Variants in MITD1 observed in about 807,000 individuals in gnomAD.
MITD1 encodes the protein microtubule interacting and trafficking domain containing 1.
In MITD1, 24 loss-of-function variants were observed where a neutral mutation model predicts 34.9. The ratio of observed to expected loss-of-function variants is 0.69; its 90% CI spans 0.50 to 0.97. The LOEUF (loss-of-function observed/expected upper bound fraction) is 0.97, where lower values mean the gene tolerates loss of function less well. MITD1 is among the 50% of genes least tolerant of loss of function. The pLI, the probability that MITD1 is intolerant of heterozygous loss-of-function variation, is 0.00. For missense variants in MITD1, 266 were observed against 294.6 expected (o/e 0.90, Z 0.71); for synonymous variants, 102 against 101.4 (o/e 1.01, Z -0.04).
At chr2:99,180,002 G>A (rs971757253) in intron 1 of MITD1, among the ~76,000 whole-genome samples, 1 of 152,106 alleles carries the variant, frequency 6.6e-6, no homozygotes, top group African/African-American at 2.4e-5. Context: ...CGGGAGTGTC[G>A]GGGGTTGGGG....
chr2:99,161,958 A>T lies in MITD1; in HGVS notation c.*264T>A, dbSNP rs546009751. On this transcript the variant is annotated 3_prime_UTR_variant, in exon 8 of 8. Coordinates refer to the MITD1 transcript ENST00000422537. ...TTGTTTGTCTTCCATTTTTAAAAGCATGCTGATCCCATTTTCAATGAAGAA... is the reference window on the plus strand; with the variant it reads ...TTGTTTGTCTTCCATTTTTAAAAGCTTGCTGATCCCATTTTCAATGAAGAA... The T allele has an allele frequency of 2.8e-4, 448 of 1,588,848 alleles. 9 individuals are homozygous for T. The South Asian group carries it at 4.8e-3, about 17-fold the overall frequency.
intron 7 of MITD1, chr2:99,163,020 G>T: frequency 1.2e-6 from 2 of 1,601,592 alleles, no homozygotes; most frequent in South Asian, 2.3e-5. Context: ...ATGTCCACAA[G>T]ACCACAAACT....
chr2:99,167,478 T>G (rs1407930370), downstream of MITD1, among the ~76,000 whole-genome samples: 2 of 152,232 alleles, frequency 1.3e-5, no homozygotes, highest in African/African-American at 4.8e-5. Flanking sequence ...GTCTGTAGAC[T>G]CTTTTCTTTA....
chr2:99,170,961 G>A (rs1348842281), intron 4 of MITD1: 2 of 261,140 alleles, frequency 7.7e-6, no homozygotes, highest in African/African-American at 4.4e-5. Context: ...TAATTATTTA[G>A]AAGCATTCTT....
chr2:99,167,016 C>T (rs2093830734), downstream of MITD1, among the ~76,000 whole-genome samples: 1 of 150,934 alleles, frequency 6.6e-6, no homozygotes, highest in Admixed American at 6.6e-5. Context: ...TTTTTCCAAC[C>T]ATTTGTTGAG....
chr2:99,167,729 C>T (rs6747813), downstream of MITD1, among the ~76,000 whole-genome samples: 864 of 152,282 alleles, frequency 5.7e-3, 9 homozygotes, highest in African/African-American at 0.02. Context: ...AAAGGAACTT[C>T]GGATCAGGCC....
At position 99,162,096 on chromosome 2, in the gene MITD1, G is replaced by A. The variant is rs1396075591; in HGVS notation, c.*126C>T. The A allele has an allele frequency of 1.9e-6, 3 of 1,613,994 alleles. No homozygotes were observed. The African/African-American group carries it at 4.0e-5, about 22-fold the overall frequency. ...CAATGATGTCTATCAAAATCTGGCT[G>A]TGGAAGACTGGATCCATGACCATAT... On this transcript the variant is annotated 3_prime_UTR_variant, in exon 8 of 8. Coordinates refer to the MITD1 transcript ENST00000422537.
At position 99,180,960 on chromosome 2, in the gene MITD1, G is replaced by A. The variant is rs1285612355; in HGVS notation, c.22C>T (p.Gln8Ter). Residue 8 changes from glutamine (Q) to a stop codon, truncating the protein, a stop_gained, in exon 1 of 7, where the codon CAG becomes TAG. Transcript: ENST00000289359. LOFTEE classifies it high-confidence loss of function. ...GCTGCAGCTGTGCTCTGCGGGTCCT[G>A]CCTCAGCCCGGACTTCGCCATAATT... is the stretch of plus-strand genomic sequence containing the variant. Reference protein sequence around the residue: MAKSGLRQDPQSTAAATV... With the variant: MAKSGLR The A allele has an allele frequency of 3.7e-6, 6 of 1,613,774 alleles. No homozygotes were observed. The highest frequency in any genetic ancestry group is 1.7e-4 in the Middle Eastern group (1 of 6,050).
chr2:99,180,791 C>T, intron 1 of MITD1, 40 bp downstream of exon 1: 1 of 1,565,792 alleles, frequency 6.4e-7, no homozygotes, highest in Non-Finnish European at 8.8e-7. Context: ...GGAACCAGCT[C>T]CTTTTCCTCA....
At position 99,171,380 on chromosome 2, in the gene MITD1, T is replaced by A. The variant is rs1165159388; in HGVS notation, c.440A>T (p.Lys147Ile). ...FCEMLIKRPC[K>I]VKTIHLLTSL... Reference sequence around the variant, plus strand: ...GGTGAGAAGGTGAATAGTTTTTACTTTACATGGTCTCTTAATAAGCATCTC... The same window carrying A: ...GGTGAGAAGGTGAATAGTTTTTACTATACATGGTCTCTTAATAAGCATCTC... Residue 147 changes from lysine (K) to isoleucine (I), a missense_variant, in exon 4 of 7, where the codon AAA (lysine) becomes ATA (isoleucine). Lys to Ile is a moderately radical substitution (Grantham distance 102). Coordinates refer to ENST00000289359, the MANE Select transcript of MITD1 (RefSeq NM_138798.3). 8 of 1,612,116 alleles carry A rather than the reference T, an allele frequency of 5.0e-6. No individual in the cohort carries two copies. The highest frequency in any genetic ancestry group is 6.8e-6 in the Non-Finnish European group (8 of 1,179,524).
At chr2:99,166,503 AC>A (rs1263304057), downstream of MITD1, among the ~76,000 whole-genome samples, 49 of 150,528 alleles carry the variant, frequency 3.3e-4, no homozygotes, top group East Asian at 5.9e-4. Context: ...AAAAAAAAAA[AC>A]ATACAGAGAA....
intron 1 of MITD1, among the ~76,000 whole-genome samples, chr2:99,174,780 T>G (rs1029272102): frequency 3.9e-5 from 6 of 152,048 alleles, no homozygotes; most frequent in Non-Finnish European, 8.8e-5. Context: ...TAGTAGAGAC[T>G]GGGTTTCACC....
chr2:99,169,707 C>T, intron 5 of MITD1, 97 bp from the exon 6 acceptor site: 1 of 877,678 alleles, frequency 1.1e-6, no homozygotes, highest in East Asian at 2.6e-5. Context: ...TTCCCCCTAA[C>T]AAAGCAAACC....
chr2:99,175,005 C>T (rs1050778019), intron 1 of MITD1, among the ~76,000 whole-genome samples: 13 of 152,210 alleles, frequency 8.5e-5, no homozygotes, highest in African/African-American at 2.7e-4. Context: ...GGATTACAGG[C>T]GTGAGCCACA....
At chr2:99,179,128 A>G (rs1319011517) in intron 1 of MITD1, among the ~76,000 whole-genome samples, 1 of 152,200 alleles carries the variant, frequency 6.6e-6, no homozygotes, top group Non-Finnish European at 1.5e-5. Context: ...TTTTGGTCTT[A>G]ACCCATCTAT....
chr2:99,176,658 G>T (rs1206920866), intron 1 of MITD1, among the ~76,000 whole-genome samples: 1 of 148,100 alleles, frequency 6.8e-6, no homozygotes, highest in Non-Finnish European at 1.5e-5. Flanking sequence ...ATTATGAGGG[G>T]TGTGTGTATG....
downstream of MITD1, among the ~76,000 whole-genome samples, chr2:99,166,915 C>G (rs1000392886): frequency 2.2e-5 from 3 of 134,972 alleles, no homozygotes; most frequent in African/African-American, 8.1e-5. Flanking sequence ...CATTAATTAG[C>G]TCTGTAATAC....
chr2:99,173,941 T>C lies in MITD1; in HGVS notation c.227A>G (p.Lys76Arg), dbSNP rs1425159208. 5 of 1,609,092 alleles carry C rather than the reference T, an allele frequency of 3.1e-6. No individual in the cohort carries two copies. The highest frequency in any genetic ancestry group is 4.3e-6 in the Non-Finnish European group (5 of 1,175,706). ...SKYMDRAENI[K>R]KYLDQEKEDG... The stretch of plus-strand genomic sequence containing the variant: ...TTCTTTTTCTTGGTCCAAGTACTTC[T>C]TTATGTTTTCCGCTCTGTCCATGTA... The change falls in exon 2 of 7, where the codon AAG becomes AGG. Residue 76 changes from lysine (K) to arginine (R), a missense_variant. By Grantham distance (26) the Lys-to-Arg change is conservative. Coordinates refer to ENST00000289359, the MANE Select transcript of MITD1 (RefSeq NM_138798.3).
At chr2:99,179,703 C>G (rs2093905121) in intron 1 of MITD1, among the ~76,000 whole-genome samples, 1 of 152,102 alleles carries the variant, frequency 6.6e-6, no homozygotes, top group African/African-American at 2.4e-5. Flanking sequence ...GCTGGGACTA[C>G]AGGTGCGTGC....
Sources: allele counts gnomAD v4.1 joint callset (sites outside exome capture counted in the v4.1 genomes callset), GRCh38; gene constraint gnomAD v4.1.1; transcripts MANE v1.5; gene names NCBI Gene and HGNC (gene_info 2026-07-23, HGNC 2026-07-21).